The following KLF12 variants were observed in gnomAD, a reference collection of about 807,000 sequenced individuals.
KLF12 encodes the protein KLF transcription factor 12.
A neutral mutation model predicts 37.8 loss-of-function variants in KLF12; 9 were observed. The observed-to-expected ratio is 0.24, with a 90% confidence interval of 0.14 to 0.42. The LOEUF (loss-of-function observed/expected upper bound fraction) is 0.42. Ranked by LOEUF, KLF12 falls within the 10% of genes least tolerant of loss-of-function variation. The pLI, the probability that KLF12 is intolerant of heterozygous loss-of-function variation, is 1.00. For missense variants in KLF12, 411 were observed against 516.0 expected, an observed-to-expected ratio of 0.80 and a Z score of 1.97; for synonymous variants, 208 against 202.1, an observed-to-expected ratio of 1.03 and a Z score of -0.25.
chr13:73,883,898 G>T (rs1887097929), intron 3 of KLF12, among the ~76,000 whole-genome samples: 1 of 152,188 alleles, frequency 6.6e-6, no homozygotes, highest in Non-Finnish European at 1.5e-5. Context: ...TAGCTATTCT[G>T]CCATGAACTC....
At chr13:73,987,717 G>C (rs1891861630) in intron 2 of KLF12, among the ~76,000 whole-genome samples, 1 of 139,780 alleles carries the variant, frequency 7.2e-6, no homozygotes, top group Non-Finnish European at 1.6e-5. Flanking sequence ...AGAGAAAGTG[G>C]GGGGGTAGAG....
chr13:73,791,448 T>C lies in KLF12; in HGVS notation c.806+21704A>G, dbSNP rs905472734. ...TGTCATTTGAAATAAGCTGTCAGGT[T>C]AAAAAATATATATTGTCTTCTTTAG... On this transcript the variant is annotated intron_variant, in intron 5 of 7. Coordinates refer to ENST00000377669, the MANE Select transcript of KLF12 (RefSeq NM_007249.5). Among the ~76,000 whole-genome samples, 165 of 152,302 alleles carry C rather than the reference T, an allele frequency of 1.1e-3. 2 individuals carry two copies. Among genetic ancestry groups the C allele is most frequent in the Non-Finnish European group, 2.2e-4 (15 of 68,020 alleles).
chr13:74,139,084 A>T, the KLF12 span, among the ~76,000 whole-genome samples: 183 of 152,118 alleles, frequency 1.2e-3, 1 homozygote, highest in Middle Eastern at 3.4e-3. Flanking sequence ...CTTCTTTCTG[A>T]TTCTCTATTT....
At chr13:74,255,914 G>A in the KLF12 span, among the ~76,000 whole-genome samples, 1 of 152,138 alleles carries the variant, frequency 6.6e-6, no homozygotes, top group Non-Finnish European at 1.5e-5. Flanking sequence ...CCAGCACTTT[G>A]GGAGGCTGAG....
chr13:73,938,439 G>A (rs1281687858), intron 3 of KLF12, among the ~76,000 whole-genome samples: 3 of 152,028 alleles, frequency 2.0e-5, no homozygotes, highest in Non-Finnish European at 2.9e-5. Flanking sequence ...CTAACGACTG[G>A]AGTCTTTTTC....
At chr13:73,705,670 A>C (rs1874878722) in intron 7 of KLF12, among the ~76,000 whole-genome samples, 1 of 151,214 alleles carries the variant, frequency 6.6e-6, no homozygotes, top group African/African-American at 2.4e-5. Flanking sequence ...ATTTTATATT[A>C]GTAGTTAATT....
At chr13:73,911,056 T>C (rs1487618279) in intron 3 of KLF12, among the ~76,000 whole-genome samples, 1 of 152,078 alleles carries the variant, frequency 6.6e-6, no homozygotes, top group Non-Finnish European at 1.5e-5. Flanking sequence ...ATAAATTCCT[T>C]TTCTTTATAA....
At chr13:73,849,676 C>T (rs1451678081) in intron 3 of KLF12, among the ~76,000 whole-genome samples, 2 of 152,128 alleles carry the variant, frequency 1.3e-5, no homozygotes, top group African/African-American at 2.4e-5. Context: ...GTTTTAAGCA[C>T]AAGGAAGAGA....
At chr13:73,721,978 C>T (rs1010652399) in intron 6 of KLF12, among the ~76,000 whole-genome samples, 7 of 152,114 alleles carry the variant, frequency 4.6e-5, no homozygotes, top group African/African-American at 1.7e-4. Flanking sequence ...TTAGTCCCTT[C>T]CCTGACATTC....
chr13:74,143,104 C>T, the KLF12 span, among the ~76,000 whole-genome samples: 1 of 148,768 alleles, frequency 6.7e-6, no homozygotes, highest in Non-Finnish European at 1.5e-5. Context: ...TTCTTGTTCT[C>T]CTCCTCCTCC....
chr13:73,980,556 T>C (rs1891665078), intron 2 of KLF12, among the ~76,000 whole-genome samples: 1 of 152,008 alleles, frequency 6.6e-6, no homozygotes, highest in South Asian at 2.1e-4. Context: ...TAAATCAAAA[T>C]AAAAAGTAAA....
rs1486177532 is a variant in KLF12, at chr13:73,694,234, C to A, written c.*1256G>T. On this transcript the variant is annotated 3_prime_UTR_variant, in exon 8 of 8. Transcript: ENST00000377669. ...GACCCATTAACCGAAGAGTTAATTC[C>A]CGGCTATGCCTCCCTTGCCTTTCTA... 6.6e-6 allele frequency: 1 copy of A among 152,540 alleles called. No homozygotes were observed. Among genetic ancestry groups the A allele is most frequent in the Non-Finnish European group, 1.5e-5 (1 of 68,030 alleles). The allele number at this position is 152,540 out of a possible 1,614,324, so 9.4% of individuals were successfully genotyped here. A position where few individuals can be genotyped will look rare whatever the true frequency, so the allele number is the denominator to read the frequency against.
At chr13:74,235,943 T>C in the KLF12 span, among the ~76,000 whole-genome samples, 1 of 150,106 alleles carries the variant, frequency 6.7e-6, no homozygotes, top group African/African-American at 2.4e-5. Context: ...ATTTTTTTTA[T>C]TTTTATTTTT....
chr13:74,022,503 C>T (rs935607262), intron 1 of KLF12, among the ~76,000 whole-genome samples: 1 of 152,070 alleles, frequency 6.6e-6, no homozygotes, highest in African/African-American at 2.4e-5. Flanking sequence ...TCTCCCACTT[C>T]TGCCACATGG....
the KLF12 span, among the ~76,000 whole-genome samples, chr13:74,208,448 A>G: frequency 4.6e-5 from 7 of 152,206 alleles, no homozygotes; most frequent in Non-Finnish European, 1.0e-4. Context: ...CATATTTTAA[A>G]AAACAGATGC....
At chr13:74,161,693 C>T in the KLF12 span, among the ~76,000 whole-genome samples, 77,504 of 152,056 alleles carry the variant, frequency 0.51, 20,215 homozygotes, top group African/African-American at 0.58. Context: ...ATATATAACC[C>T]ATAGTCCTCA....
intron 3 of KLF12, among the ~76,000 whole-genome samples, chr13:73,939,591 G>C (rs61957348): frequency 0.011 from 1,726 of 152,218 alleles, 19 homozygotes; most frequent in Non-Finnish European, 0.019. Flanking sequence ...ATCTCTACTA[G>C]ATACTTCATG....
chr13:73,784,598 C>A (rs1156683333), intron 5 of KLF12, among the ~76,000 whole-genome samples: 1 of 151,792 alleles, frequency 6.6e-6, no homozygotes, highest in Non-Finnish European at 1.5e-5. Context: ...TCTCCTCCTC[C>A]ACTCCAGCAT....
the KLF12 span, among the ~76,000 whole-genome samples, chr13:74,235,382 T>C: frequency 3.1e-3 from 470 of 152,348 alleles, 3 homozygotes; most frequent in African/African-American, 0.011. Context: ...AGTGCTATAA[T>C]TTATTTTCTG....
Sources: allele counts gnomAD v4.1 joint callset (sites outside exome capture counted in the v4.1 genomes callset), GRCh38; gene constraint gnomAD v4.1.1; transcripts MANE v1.5; gene names NCBI Gene and HGNC (gene_info 2026-07-23, HGNC 2026-07-21).